KAT6B: variants seen among roughly 807,000 people sequenced by gnomAD.
KAT6B encodes the protein lysine acetyltransferase 6B.
Under a neutral mutation model 187.5 loss-of-function variants are expected in KAT6B, and 10 were observed. The observed-to-expected ratio is 0.05, with a 90% confidence interval of 0.03 to 0.09. KAT6B has a LOEUF of 0.09. Ranked by LOEUF, KAT6B falls within the 10% of genes least tolerant of loss-of-function variation. KAT6B has a pLI of 1.00. For missense variants in KAT6B, 1,952 were observed against 2,558.9 expected (o/e 0.76, Z 5.12); for synonymous variants, 861 against 926.8 (o/e 0.93, Z 1.29).
chr10:74,903,498 T>G (rs1189360490), intron 3 of KAT6B, among the ~76,000 whole-genome samples: 1 of 152,198 alleles, frequency 6.6e-6, no homozygotes. Flanking sequence ...TTCTAGAAAC[T>G]GAGCATGGTC....
At position 74,875,296 on chromosome 10, in the gene KAT6B, C is replaced by G. The variant is rs566878176; in HGVS notation, c.621+31818C>G. The stretch of plus-strand genomic sequence containing the variant: ...CACTTAGTATGTAAGTAAATAATAG[C>G]AATCCTGGCTGTCATCTGTATGTGT... On this transcript the variant is annotated intron_variant, in intron 3 of 17. Coordinates refer to ENST00000287239, the MANE Select transcript of KAT6B (RefSeq NM_012330.4). Among the ~76,000 whole-genome samples, 3 of 152,204 alleles carry G rather than the reference C, an allele frequency of 2.0e-5. No individual in the cohort carries two copies. In the South Asian group the frequency reaches 6.2e-4, roughly 32 times the overall value.
chr10:74,999,637 T>C (rs1156781784), intron 13 of KAT6B, among the ~76,000 whole-genome samples: 11 of 152,228 alleles, frequency 7.2e-5, no homozygotes, highest in Admixed American at 7.2e-4. Flanking sequence ...CTGCCACTTC[T>C]AGAGCCCTTG....
At chr10:74,912,375 G>GATAGATAGATAGATAGATA (rs55816415) in intron 3 of KAT6B, among the ~76,000 whole-genome samples, 3 of 145,526 alleles carry the variant, frequency 2.1e-5, no homozygotes, top group Admixed American at 6.9e-5. Flanking sequence ...ATGGATGGAT[G>GATAGATAGATAGATAGATA]GATAGATAGA....
At chr10:74,852,860 G>C (rs1247666685) in intron 3 of KAT6B, among the ~76,000 whole-genome samples, 1 of 152,154 alleles carries the variant, frequency 6.6e-6, no homozygotes, top group Non-Finnish European at 1.5e-5. Context: ...GCTTTCAGGA[G>C]TTACTCTTGT....
Position 75,031,286 on chromosome 10 carries a change from C to T in KAT6B, c.*240C>T, listed in dbSNP as rs984943214. 7.7e-6 allele frequency: 4 copies of T among 516,872 alleles called. No homozygotes were observed. Among genetic ancestry groups the T allele is most frequent in the African/African-American group, 1.9e-5 (1 of 51,906 alleles). 32.0% of individuals were successfully genotyped at this position (516,872 alleles called of 1,614,324 possible). ...ATTTCTGTTACTTTTATATAAAATT[C>T]TCTGCAAAGGAAGGCCTCTCTTTGG... On this transcript the variant is annotated 3_prime_UTR_variant, in exon 18 of 18. Transcript: ENST00000287239.
At chr10:74,961,835 A>G (rs1388945009) in intron 4 of KAT6B, among the ~76,000 whole-genome samples, 1 of 152,188 alleles carries the variant, frequency 6.6e-6, no homozygotes, top group Non-Finnish European at 1.5e-5. Flanking sequence ...TCTGTTCAAA[A>G]ATATCCTCTT....
At chr10:74,970,411 A>C (rs537916318) in intron 6 of KAT6B, among the ~76,000 whole-genome samples, 18 of 152,242 alleles carry the variant, frequency 1.2e-4, no homozygotes, top group African/African-American at 4.3e-4. Context: ...ATTAAGGTCA[A>C]AAGTTTAGAA....
At chr10:75,025,465 T>C (rs1845751495) in intron 17 of KAT6B, 7 of 524,488 alleles carry the variant, frequency 1.3e-5, no homozygotes. Context: ...GGCCAGAACA[T>C]TCCTCTAGGT....
chr10:75,024,667 A>C (rs1845680447), intron 16 of KAT6B, among the ~76,000 whole-genome samples: 1 of 152,242 alleles, frequency 6.6e-6, no homozygotes, highest in South Asian at 2.1e-4. Context: ...GGAAAAATAT[A>C]TGCTAGAAAA....
At chr10:74,968,054 C>G (rs1212334357) in intron 4 of KAT6B, among the ~76,000 whole-genome samples, 1 of 152,096 alleles carries the variant, frequency 6.6e-6, no homozygotes, top group African/African-American at 2.4e-5. Flanking sequence ...AATTGCTGTT[C>G]TTTAAAAGTT....
Position 74,842,975 on chromosome 10 carries a change from C to T in KAT6B, c.118C>T (p.His40Tyr). The change falls in exon 3 of 18, where the codon CAT (histidine) becomes TAT (tyrosine). Residue 40 changes from histidine to tyrosine, a missense_variant. Coordinates refer to ENST00000287239, the MANE Select transcript of KAT6B (RefSeq NM_012330.4). ...ERICHAVSTS[H>Y]GLDKKTVSEQ... Reference sequence around the variant, plus strand: ...AATCTGCCATGCGGTCAGTACTTCCCATGGGTTGGATAAGAAGACAGTCTC... The same window carrying T: ...AATCTGCCATGCGGTCAGTACTTCCTATGGGTTGGATAAGAAGACAGTCTC... 1 of 1,614,158 alleles carries T rather than the reference C, an allele frequency of 6.2e-7. No homozygotes were observed. Among genetic ancestry groups the T allele is most frequent in the Non-Finnish European group, 8.5e-7 (1 of 1,180,030 alleles).
chr10:74,877,067 G>A (rs1472493305), intron 3 of KAT6B, among the ~76,000 whole-genome samples: 2 of 151,916 alleles, frequency 1.3e-5, no homozygotes, highest in Non-Finnish European at 2.9e-5. Context: ...GCCGGTTCAA[G>A]CGATTCTCCT....
chr10:74,848,871 A>G (rs1399353545), intron 3 of KAT6B, among the ~76,000 whole-genome samples: 1 of 152,168 alleles, frequency 6.6e-6, no homozygotes, highest in African/African-American at 2.4e-5. Flanking sequence ...AAAGATTATC[A>G]TTGTTCTTGA....
intron 3 of KAT6B, among the ~76,000 whole-genome samples, chr10:74,887,761 C>T (rs903663413): frequency 1.3e-5 from 2 of 151,966 alleles, no homozygotes; most frequent in Non-Finnish European, 2.9e-5. Flanking sequence ...AATCTCAAGA[C>T]TTTGGGAGGC....
At chr10:74,934,748 C>A (rs1329515280) in intron 3 of KAT6B, among the ~76,000 whole-genome samples, 1 of 152,170 alleles carries the variant, frequency 6.6e-6, no homozygotes, top group Non-Finnish European at 1.5e-5. Context: ...CCAAGTAACT[C>A]TTGAAATCCC....
intron 6 of KAT6B, among the ~76,000 whole-genome samples, chr10:74,970,374 A>G (rs980251667): frequency 6.6e-6 from 1 of 151,992 alleles, no homozygotes; most frequent in Non-Finnish European, 1.5e-5. Context: ...TCTCCAAACC[A>G]TTCCCCTATT....
chr10:74,826,797 A>AC lies in KAT6B; in HGVS notation c.-329+16dup, dbSNP rs1189115628. 6.9e-6 allele frequency: 1 copy of AC among 144,492 alleles called. No individual in the cohort carries two copies. Among genetic ancestry groups the AC allele is most frequent in the Non-Finnish European group, 1.5e-5 (1 of 65,904 alleles). The allele number at this position is 144,492 out of a possible 1,614,324, so 9.0% of individuals were successfully genotyped here. On this transcript the variant is annotated intron_variant, in intron 1 of 17. Coordinates refer to ENST00000287239, the MANE Select transcript of KAT6B (RefSeq NM_012330.4). ...TGGCGCGCAGCCAGGTCTGTCACCC[A>AC]CCCCGCGCGTTCCCAGGGGGAGGAG...
At chr10:74,830,582 A>C (rs1840677531) in intron 1 of KAT6B, among the ~76,000 whole-genome samples, 2 of 150,996 alleles carry the variant, frequency 1.3e-5, no homozygotes, top group Non-Finnish European at 3.0e-5. Flanking sequence ...ACTCTTCTAA[A>C]GTATTGTACC....
chr10:74,830,769 T>TATGTATATATATATATATA (rs58702000), intron 1 of KAT6B, among the ~76,000 whole-genome samples: 5 of 7,736 alleles, frequency 6.5e-4, no homozygotes, highest in African/African-American at 1.8e-3. Context: ...TATATATATA[T>TATGTATATATATATATATA]TTTTTTTTTT....
Sources: allele counts gnomAD v4.1 joint callset (sites outside exome capture counted in the v4.1 genomes callset), GRCh38; gene constraint gnomAD v4.1.1; transcripts MANE v1.5; gene names NCBI Gene and HGNC (gene_info 2026-07-23, HGNC 2026-07-21).